LYST: variants seen among roughly 807,000 people sequenced by gnomAD.
LYST encodes the protein lysosomal trafficking regulator.
A neutral mutation model predicts 413.6 loss-of-function variants in LYST; 192 were observed. The ratio of observed to expected loss-of-function variants is 0.46; its 90% CI spans 0.41 to 0.52. The LOEUF (loss-of-function observed/expected upper bound fraction) is 0.52. Among genes scored for constraint, LYST ranks in the 20% least tolerant of loss-of-function variants. The pLI, the probability that LYST is intolerant of heterozygous loss-of-function variation, is 0.00. For missense variants in LYST, 3,815 were observed against 4,499.9 expected, an observed-to-expected ratio of 0.85 and a Z score of 4.35; for synonymous variants, 1,525 against 1,567.3, an observed-to-expected ratio of 0.97 and a Z score of 0.64.
At chr1:235,780,078 G>T (rs1438306500) in intron 16 of LYST, among the ~76,000 whole-genome samples, 1 of 152,098 alleles carries the variant, frequency 6.6e-6, no homozygotes, top group Non-Finnish European at 1.5e-5. Flanking sequence ...GCAATACTTT[G>T]AAAGCAAAAT....
At chr1:235,698,405 A>G (rs1014782196) in intron 45 of LYST, among the ~76,000 whole-genome samples, 1 of 152,196 alleles carries the variant, frequency 6.6e-6, no homozygotes, top group African/African-American at 2.4e-5. Flanking sequence ...GACATGTTAA[A>G]TGATATCATA....
intron 29 of LYST, among the ~76,000 whole-genome samples, 177 bp from the exon 30 acceptor site, chr1:235,744,334 G>A (rs373013367): frequency 6.6e-6 from 1 of 152,092 alleles, no homozygotes; most frequent in African/African-American, 2.4e-5. Context: ...GTGAATTTAC[G>A]TAAAATAACA....
intron 19 of LYST, 88 bp from the exon 20 acceptor site, chr1:235,770,385 T>A: frequency 1.8e-6 from 2 of 1,108,378 alleles, no homozygotes; most frequent in Non-Finnish European, 2.8e-6. Context: ...CGCAACAATT[T>A]AACATTGTGT....
At chr1:235,819,049 T>C (rs977982986) in intron 3 of LYST, among the ~76,000 whole-genome samples, 6 of 152,192 alleles carry the variant, frequency 3.9e-5, no homozygotes, top group African/African-American at 1.4e-4. Context: ...GAGTTAGTTC[T>C]TGCAAACCAT....
chr1:235,781,008 G>C lies in LYST; in HGVS notation c.5071C>G (p.Pro1691Ala). 6.2e-7 allele frequency: 1 copy of C among 1,612,076 alleles called. No individual in the cohort carries two copies. Among genetic ancestry groups the C allele is most frequent in the East Asian group, 2.2e-5 (1 of 44,698 alleles). ...QEAFYLYACG[P>A]NHTSVMPCKY... ...CATGGCATTACAGATGTATGGTTGG[G>C]TCCACAAGCATACAGATAAAAGGCC... The change falls in exon 16 of 53, where the codon CCC (proline) becomes GCC (alanine). Residue 1691 changes from proline (P) to alanine (A), a missense_variant. Pro to Ala is a conservative substitution (Grantham distance 27). Transcript: ENST00000389793.
At position 235,686,227 on chromosome 1, in the gene LYST, C is replaced by T. The variant is rs1377371030; in HGVS notation, c.10800+722G>A. Among the ~76,000 whole-genome samples the T allele has an allele frequency of 6.6e-6, 1 of 151,904 alleles. No homozygotes were observed. ...ACTAAAACTACAAAACTTGGCCGGG[C>T]GTGGTGGCACATGCCTGTGGTCCCA... On this transcript the variant is annotated intron_variant, in intron 48 of 52. Transcript: ENST00000389793. This position sits in a 1 kb window ranked among gnomAD's most constrained non-coding sequence, Gnocchi z 4.0.
intron 39 of LYST, among the ~76,000 whole-genome samples, chr1:235,723,604 G>T (rs10926506): frequency 6.6e-6 from 1 of 152,292 alleles, no homozygotes; most frequent in African/African-American, 2.4e-5. Context: ...GACATTACGG[G>T]TTTAGCAACA....
chr1:235,837,558 G>C (rs1275373578), intron 1 of LYST, among the ~76,000 whole-genome samples: 1 of 151,684 alleles, frequency 6.6e-6, no homozygotes, highest in African/African-American at 2.4e-5. Flanking sequence ...ACCTGAAAGG[G>C]GGAGGTTGCA....
At chr1:235,734,795 C>G (rs1664676373) in intron 31 of LYST, 136 bp from the exon 32 acceptor site, 3 of 611,700 alleles carry the variant, frequency 4.9e-6, no homozygotes, top group South Asian at 4.4e-5. Context: ...AAAAGACATT[C>G]TGAGGATAAG....
intron 1 of LYST, among the ~76,000 whole-genome samples, chr1:235,841,010 C>T (rs1677139464): frequency 1.3e-5 from 2 of 152,162 alleles, no homozygotes; most frequent in Non-Finnish European, 2.9e-5. Flanking sequence ...AACTGAGGCA[C>T]GTGTGCAGAG....
rs184862112 is a variant in LYST at position 235,738,171 on chromosome 1, T to C, written c.8358+3251A>G. 5.3e-4 allele frequency: 858 copies of C among 1,609,712 alleles called. 7 individuals carry two copies. In the African/African-American group the frequency reaches 0.01, roughly 19 times the overall value. On this transcript the variant is annotated intron_variant, in intron 31 of 52. Transcript: ENST00000389793. Reference sequence around the variant, plus strand: ...TCTTGTTGATGTCATGGAAGACAAATTGAAGGGCGAGATGATGGATCTCCA... The same window carrying C: ...TCTTGTTGATGTCATGGAAGACAAACTGAAGGGCGAGATGATGGATCTCCA...
At chr1:235,713,522 C>T (rs543549748) in intron 42 of LYST, among the ~76,000 whole-genome samples, 5 of 152,290 alleles carry the variant, frequency 3.3e-5, no homozygotes, top group African/African-American at 1.2e-4. Flanking sequence ...ATATATTAAA[C>T]CTGTGGTTCT....
Position 235,766,264 on chromosome 1 carries a change from C to T in LYST, c.5936G>A (p.Gly1979Glu). Residue 1979 changes from glycine to glutamate, a missense_variant, in exon 21 of 53, where the codon GGG (glycine) becomes GAG (glutamate). Coordinates refer to ENST00000389793, the MANE Select transcript of LYST (RefSeq NM_000081.4). ...CTCTCGGGGCATGGGTGTGAGTTGC[C>T]CCTCTTTGTATTCCTGAAAAAATAA... ...TCQVLQEYKEGQLTPMPREVC... is the reference protein window; with the variant it reads ...TCQVLQEYKEEQLTPMPREVC... The T allele has an allele frequency of 6.2e-7, 1 of 1,606,504 alleles. No homozygotes were observed. The highest frequency in any genetic ancestry group is 8.5e-7 in the Non-Finnish European group (1 of 1,177,226).
chr1:235,721,413 T>C (rs1663357318), intron 39 of LYST, among the ~76,000 whole-genome samples: 1 of 152,236 alleles, frequency 6.6e-6, no homozygotes, highest in Admixed American at 6.5e-5. Context: ...CACTACTGAT[T>C]GAAAACATAT....
rs1675821381 is a variant in LYST, at chr1:235,830,322, T to C, written c.96A>G (p.Glu32=). The change falls in exon 3 of 53, where the codon GAA becomes GAG. Residue 32 remains glutamate, a synonymous_variant. Transcript: ENST00000389793. ...TTGCCATGTGCGTCTCCTCCTCTTC[T>C]TCCTCCCTGGCCTCCACCCTCTGGA... is the stretch of plus-strand genomic sequence containing the variant. ...AVVQRVEARE[E]EEEETHMATL... 1.2e-6 allele frequency: 2 copies of C among 1,613,972 alleles called. No homozygotes were observed. The highest frequency in any genetic ancestry group is 1.7e-6 in the Non-Finnish European group (2 of 1,179,858).
chr1:235,763,701 C>T (rs989166606), intron 21 of LYST, among the ~76,000 whole-genome samples: 1 of 151,992 alleles, frequency 6.6e-6, no homozygotes, highest in Non-Finnish European at 1.5e-5. Flanking sequence ...TCAAGTGATC[C>T]ACCCACCTTG....
intron 48 of LYST, among the ~76,000 whole-genome samples, chr1:235,682,091 G>T (rs550589550): frequency 4.7e-4 from 72 of 152,244 alleles, no homozygotes; most frequent in Admixed American, 2.2e-3. Flanking sequence ...CAGGAGGATT[G>T]TTGAGCCCAG....
At chr1:235,867,031 T>C (rs1404318847), upstream of LYST, 1 of 152,084 alleles carries the variant, frequency 6.6e-6, no homozygotes, top group East Asian at 2.0e-4. Context: ...CGCCCTTGGC[T>C]CCGCCTCGCG....
chr1:235,862,560 C>G (rs1223923464), intron 1 of LYST, among the ~76,000 whole-genome samples: 1 of 152,072 alleles, frequency 6.6e-6, no homozygotes, highest in Non-Finnish European at 1.5e-5. Flanking sequence ...CTTTGGGAGG[C>G]CAAGATGGGC....
Sources: gnomAD v4.1 joint callset for allele counts (sites outside exome capture counted in the v4.1 genomes callset) on GRCh38, gnomAD v4.1.1 for gene constraint, Gnocchi (gnomAD v3.1) non-coding constraint, MANE v1.5 for transcripts, NCBI Gene and HGNC (gene_info 2026-07-23, HGNC 2026-07-21) for gene names.